Variants in DAB1 observed in about 807,000 individuals in gnomAD.
DAB1 encodes the protein disabled homolog 1.
Under a neutral mutation model 64.6 loss-of-function variants are expected in DAB1, and 15 were observed. The ratio of observed to expected loss-of-function variants is 0.23; its 90% CI spans 0.16 to 0.36. DAB1 has a LOEUF of 0.36. Among genes scored for constraint, DAB1 ranks in the 10% least tolerant of loss-of-function variants. DAB1 has a pLI of 1.00. For synonymous variants in DAB1, 235 were observed against 251.9 expected, an observed-to-expected ratio of 0.93 and a Z score of 0.64; for missense variants, 596 against 706.7, an observed-to-expected ratio of 0.84 and a Z score of 1.78.
At chr1:58,341,647 C>T (rs79165156) in intron 4 of DAB1, among the ~76,000 whole-genome samples, 46 of 152,206 alleles carry the variant, frequency 3.0e-4, no homozygotes, top group African/African-American at 1.1e-3. Context: ...TAGTCTGACT[C>T]GAAATCCCAG....
intron 6 of DAB1, among the ~76,000 whole-genome samples, chr1:57,649,968 G>A (rs1457146957): frequency 6.6e-6 from 1 of 152,118 alleles, no homozygotes; most frequent in African/African-American, 2.4e-5. Flanking sequence ...ATACACAAAA[G>A]AGTCTAAGAA....
intron 4 of DAB1, among the ~76,000 whole-genome samples, chr1:57,116,081 T>C (rs1254253338): frequency 6.6e-6 from 1 of 152,134 alleles, no homozygotes; most frequent in Non-Finnish European, 1.5e-5. Context: ...GGCTGGGCTT[T>C]CCAAAGCTCC....
At chr1:58,035,869 G>A (rs1647037594) in intron 5 of DAB1, among the ~76,000 whole-genome samples, 1 of 152,178 alleles carries the variant, frequency 6.6e-6, no homozygotes, top group African/African-American at 2.4e-5. Flanking sequence ...ACCCGAGATA[G>A]GGCACTTTCA....
At chr1:57,525,959 A>G (rs1328105617) in intron 7 of DAB1, among the ~76,000 whole-genome samples, 1 of 146,096 alleles carries the variant, frequency 6.8e-6, no homozygotes, top group Non-Finnish European at 1.5e-5. Context: ...TTTTTTTGAG[A>G]CGGAGTTTTG....
intron 7 of DAB1, among the ~76,000 whole-genome samples, chr1:57,547,034 G>A (rs1426711976): frequency 6.6e-6 from 1 of 151,992 alleles, no homozygotes; most frequent in East Asian, 1.9e-4. Flanking sequence ...GAACTGAGAT[G>A]GGTATCAGGA....
At chr1:58,305,236 A>G (rs146580910) in intron 4 of DAB1, among the ~76,000 whole-genome samples, 2 of 152,200 alleles carry the variant, frequency 1.3e-5, no homozygotes, top group African/African-American at 4.8e-5. Context: ...CCTGCAAAAA[A>G]TAAGTGTTCT....
chr1:57,712,717 G>C (rs1212813912), intron 6 of DAB1, among the ~76,000 whole-genome samples: 1 of 152,064 alleles, frequency 6.6e-6, no homozygotes, highest in African/African-American at 2.4e-5. Context: ...AATTGTGAAG[G>C]AGAATTCTAT....
chr1:57,038,581 C>T (rs1467465265), intron 9 of DAB1, among the ~76,000 whole-genome samples: 2 of 152,048 alleles, frequency 1.3e-5, no homozygotes, highest in African/African-American at 2.4e-5. Context: ...CCAATTTGGG[C>T]CTCACTTTAG....
chr1:57,668,216 A>T (rs1033148042), intron 6 of DAB1, among the ~76,000 whole-genome samples: 2 of 152,216 alleles, frequency 1.3e-5, no homozygotes, highest in South Asian at 4.1e-4. Context: ...ATAAGATATT[A>T]TTTAAATTAA....
At chr1:57,017,606 A>G (rs1212308494) in intron 11 of DAB1, among the ~76,000 whole-genome samples, 1 of 152,218 alleles carries the variant, frequency 6.6e-6, no homozygotes, top group East Asian at 1.9e-4. Context: ...AGAGGCACCA[A>G]CAGGACACCT....
At chr1:57,197,178 A>G (rs1664692439) in intron 2 of DAB1, among the ~76,000 whole-genome samples, 1 of 152,076 alleles carries the variant, frequency 6.6e-6, no homozygotes, top group Admixed American at 6.6e-5. Context: ...TCTACTAAAA[A>G]AACAAAAACA....
chr1:57,961,840 T>G (rs1002870388), intron 5 of DAB1, among the ~76,000 whole-genome samples: 2 of 151,392 alleles, frequency 1.3e-5, no homozygotes, highest in East Asian at 3.9e-4. Context: ...CCGGGCATGG[T>G]GGTGTCCTGT....
intron 9 of DAB1, among the ~76,000 whole-genome samples, chr1:57,054,101 GA>G (rs1649499578): frequency 6.6e-6 from 1 of 152,040 alleles, no homozygotes; most frequent in Non-Finnish European, 1.5e-5. Flanking sequence ...CTTTGAAACT[GA>G]AAAATTACAA....
intron 2 of DAB1, among the ~76,000 whole-genome samples, chr1:57,187,853 C>T (rs1426223038): frequency 2.0e-5 from 3 of 151,824 alleles, no homozygotes; most frequent in African/African-American, 7.3e-5. Flanking sequence ...GAGAGAGAGA[C>T]TCCCACAAAA....
chr1:58,502,645 C>G (rs1645924665), intron 3 of DAB1, among the ~76,000 whole-genome samples: 2 of 152,214 alleles, frequency 1.3e-5, no homozygotes, highest in Non-Finnish European at 2.9e-5. Context: ...TACAGACTCA[C>G]ATAATTCTAT....
chr1:57,714,991 G>A (rs1356521406), intron 6 of DAB1, among the ~76,000 whole-genome samples: 1 of 152,058 alleles, frequency 6.6e-6, no homozygotes, highest in Non-Finnish European at 1.5e-5. Context: ...GAAAACTATA[G>A]GCCAATATCC....
intron 2 of DAB1, among the ~76,000 whole-genome samples, chr1:57,194,948 C>T (rs1664501638): frequency 6.6e-6 from 1 of 152,168 alleles, no homozygotes; most frequent in Non-Finnish European, 1.5e-5. Context: ...CATCCACATG[C>T]CCATTTTATA....
At chr1:57,720,620 T>A (rs980533146) in intron 6 of DAB1, among the ~76,000 whole-genome samples, 2 of 152,250 alleles carry the variant, frequency 1.3e-5, no homozygotes, top group Non-Finnish European at 2.9e-5. Flanking sequence ...AATGGGGATA[T>A]CAATATTCAC....
chr1:58,421,998 C>CA (rs56307849), intron 3 of DAB1, among the ~76,000 whole-genome samples: 3,721 of 141,598 alleles, frequency 0.026, 153 homozygotes, highest in African/African-American at 0.089. Flanking sequence ...AAGTAGACGT[C>CA]AAAAAAAAAA....
Sources: allele counts gnomAD v4.1 joint callset (sites outside exome capture counted in the v4.1 genomes callset), GRCh38; gene constraint gnomAD v4.1.1; transcripts MANE v1.5; gene names NCBI Gene and HGNC (gene_info 2026-07-23, HGNC 2026-07-21).